The following BASP1 variants were observed in gnomAD, a reference collection of about 807,000 sequenced individuals.
BASP1 encodes the protein brain acid soluble protein 1.
A neutral mutation model predicts 2.2 loss-of-function variants in BASP1; 1 was observed. The ratio of observed to expected loss-of-function variants is 0.46; its 90% CI spans 0.16 to 2.17. The LOEUF (loss-of-function observed/expected upper bound fraction) is 2.17, where lower values mean the gene tolerates loss of function less well. Ranked by LOEUF, BASP1 falls within the 30% of genes most tolerant of loss-of-function variation. The probability of loss-of-function intolerance (pLI) is 0.27; values close to 1 mark genes in which losing one functional copy is unlikely to be tolerated. For missense variants in BASP1, 352 were observed against 327.2 expected (o/e 1.08, Z -0.58); for synonymous variants, 187 against 154.2 (o/e 1.21, Z -1.58).
At chr5:17,220,598 A>G (rs970454399) in intron 1 of BASP1, among the ~76,000 whole-genome samples, 1 of 152,194 alleles carries the variant, frequency 6.6e-6, no homozygotes, top group South Asian at 2.1e-4. Context: ...ACCAACAATG[A>G]CAGTGGCATT....
intron 1 of BASP1, among the ~76,000 whole-genome samples, chr5:17,238,724 A>C (rs1305126875): frequency 6.6e-6 from 1 of 152,138 alleles, no homozygotes; most frequent in Admixed American, 6.5e-5. Context: ...TAAATATCTG[A>C]TGTATGGCAT....
At chr5:17,261,621 C>A (rs187761293) in intron 1 of BASP1, among the ~76,000 whole-genome samples, 2 of 152,142 alleles carry the variant, frequency 1.3e-5, no homozygotes, top group Admixed American at 6.5e-5. Context: ...TCTCTCCCCC[C>A]CACCGTCTGC....
intron 1 of BASP1, among the ~76,000 whole-genome samples, chr5:17,246,176 C>A (rs1050453716): frequency 6.6e-6 from 1 of 151,992 alleles, no homozygotes; most frequent in African/African-American, 2.4e-5. Flanking sequence ...TGACAAGAAC[C>A]CAACACTGTA....
At chr5:17,222,016 A>G (rs1378684652) in intron 1 of BASP1, among the ~76,000 whole-genome samples, 1 of 152,030 alleles carries the variant, frequency 6.6e-6, no homozygotes, top group Non-Finnish European at 1.5e-5. Context: ...AATTACACTG[A>G]AAGTGTTTTC....
intron 1 of BASP1, among the ~76,000 whole-genome samples, chr5:17,263,260 G>T (rs1740353835): frequency 6.6e-6 from 1 of 151,970 alleles, no homozygotes; most frequent in African/African-American, 2.4e-5. Flanking sequence ...GTATCTTTAT[G>T]GGGTACAAAG....
Position 17,275,464 on chromosome 5 carries a change from C to T in BASP1, c.248C>T (p.Pro83Leu), listed in dbSNP as rs1296298199. 8.0e-6 allele frequency: 12 copies of T among 1,503,044 alleles called. No homozygotes were observed. Among genetic ancestry groups the T allele is most frequent in the South Asian group, 1.3e-5 (1 of 76,736 alleles). 93.1% of individuals were successfully genotyped at this position (1,503,044 alleles called of 1,614,324 possible). ...KDAAAAKEEA[P>L]KAEPEKTEGA... ...GCGGCGGCTGCCAAGGAGGAGGCCC[C>T]GAAGGCGGAGCCCGAGAAGACGGAG... is the stretch of plus-strand genomic sequence containing the variant. The change falls in exon 2 of 2, where the codon CCG becomes CTG. Residue 83 changes from proline (P) to leucine (L), a missense_variant. Coordinates refer to ENST00000322611, the MANE Select transcript of BASP1 (RefSeq NM_006317.5). The surrounding 1 kb of genome is among the most constrained non-coding windows in gnomAD (Gnocchi z 5.3).
intron 1 of BASP1, among the ~76,000 whole-genome samples, chr5:17,270,182 T>C (rs1329632329): frequency 6.6e-6 from 1 of 152,108 alleles, no homozygotes; most frequent in Non-Finnish European, 1.5e-5. Context: ...GTATTTTTAG[T>C]AGAGACGGGG....
chr5:17,227,753 T>C (rs932778935), intron 1 of BASP1, among the ~76,000 whole-genome samples: 1 of 152,184 alleles, frequency 6.6e-6, no homozygotes, highest in African/African-American at 2.4e-5. Flanking sequence ...CAATTGGTGA[T>C]GACAGTGCCT....
chr5:17,228,919 T>C (rs1443522184), intron 1 of BASP1, among the ~76,000 whole-genome samples: 2 of 152,166 alleles, frequency 1.3e-5, no homozygotes, highest in African/African-American at 4.8e-5. Context: ...AAAATGTTAC[T>C]GCTGTTTCTA....
At position 17,275,264 on chromosome 5, in the gene BASP1, C is replaced by A; in HGVS notation, c.48C>A (p.Asp16Glu). The change falls in exon 2 of 2, where the codon GAC becomes GAA. Residue 16 changes from aspartate (D) to glutamate (E), a missense_variant. By Grantham distance (45) the Asp-to-Glu change is conservative (BLOSUM62 2). Coordinates refer to ENST00000322611, the MANE Select transcript of BASP1 (RefSeq NM_006317.5). The surrounding 1 kb of genome is among the most constrained non-coding windows in gnomAD (Gnocchi z 5.3). ...SKKKKGYNVN[D>E]EKAKEKDKKA... ...AGAAGAAGGGCTACAATGTGAACGA[C>A]GAGAAAGCCAAGGAGAAAGACAAGA... 6.2e-7 allele frequency: 1 copy of A among 1,613,748 alleles called. No homozygotes were observed.
At chr5:17,252,795 C>G (rs1040093116) in intron 1 of BASP1, among the ~76,000 whole-genome samples, 24 of 152,228 alleles carry the variant, frequency 1.6e-4, no homozygotes, top group African/African-American at 5.8e-4. Context: ...GAATCACACT[C>G]TCATCTGATC....
rs571729363 is a variant in BASP1, at chr5:17,240,978, G to C, written c.-10+23168G>C. ...CAATGGCATTTAAAAATATTTAATA[G>C]TTTCTTTTAATTATAACATTACAAA... On this transcript the variant is annotated intron_variant, in intron 1 of 1. Coordinates refer to ENST00000322611, the MANE Select transcript of BASP1 (RefSeq NM_006317.5). Among the ~76,000 whole-genome samples the C allele has an allele frequency of 4.9e-4, 74 of 152,186 alleles. 1 individual carries two copies. Among genetic ancestry groups the C allele is most frequent in the African/African-American group, 1.5e-3 (64 of 41,536 alleles).
In BASP1 at chr5:17,236,515, T is replaced by C. The variant is rs1031999301; in HGVS notation, c.-10+18705T>C. On this transcript the variant is annotated intron_variant, in intron 1 of 1. Coordinates refer to ENST00000322611, the MANE Select transcript of BASP1 (RefSeq NM_006317.5). The surrounding 1 kb of genome is among the most constrained non-coding windows in gnomAD (Gnocchi z 4.0). The stretch of plus-strand genomic sequence containing the variant: ...CCTGACCTTAGGTGATCCGCCTGCC[T>C]CTGCCTCCCAAAGTGCTGGGATTAC... Among the ~76,000 whole-genome samples the C allele has an allele frequency of 2.6e-5, 4 of 152,212 alleles. No individual in the cohort carries two copies. Among genetic ancestry groups the C allele is most frequent in the African/African-American group, 9.6e-5 (4 of 41,456 alleles).
In BASP1 at chr5:17,276,633, GA is replaced by G. The variant is rs55917297; in HGVS notation, c.*752del. On this transcript the variant is annotated 3_prime_UTR_variant, in exon 2 of 2. Transcript: ENST00000322611. ...GTTCTGTTTATTGGTCAGTGGAAAT[GA>G]AAAAAAAAAAAAAAAAAAGTCTGCG... The G allele has an allele frequency of 0.14, 14,934 of 104,570 alleles. 873 individuals carry two copies. The highest frequency in any genetic ancestry group is 0.28 in the Middle Eastern group (41 of 144). 6.5% of individuals were successfully genotyped at this position (104,570 alleles called of 1,614,324 possible).
At chr5:17,227,171 C>T (rs957800265) in intron 1 of BASP1, among the ~76,000 whole-genome samples, 2 of 151,432 alleles carry the variant, frequency 1.3e-5, no homozygotes, top group African/African-American at 4.9e-5. Flanking sequence ...CTTCGTGATC[C>T]ACCTGTCTTG....
At chr5:17,253,682 C>A (rs1740145650) in intron 1 of BASP1, among the ~76,000 whole-genome samples, 1 of 152,112 alleles carries the variant, frequency 6.6e-6, no homozygotes, top group African/African-American at 2.4e-5. Flanking sequence ...TCTTTCAGAA[C>A]TATTGTCTTA....
intron 1 of BASP1, among the ~76,000 whole-genome samples, chr5:17,255,095 A>ATTTG (rs946509712): frequency 1.3e-5 from 2 of 152,122 alleles, no homozygotes; most frequent in African/African-American, 4.8e-5. Flanking sequence ...TTATTTATTT[A>ATTTG]TTTGGACCCA....
At chr5:17,258,849 A>G (rs1409984912) in intron 1 of BASP1, among the ~76,000 whole-genome samples, 1 of 152,228 alleles carries the variant, frequency 6.6e-6, no homozygotes, top group Non-Finnish European at 1.5e-5. Context: ...GAAGAAGGCA[A>G]AAGTGTGGAG....
chr5:17,254,440 G>A (rs1740161060), intron 1 of BASP1, among the ~76,000 whole-genome samples: 1 of 152,146 alleles, frequency 6.6e-6, no homozygotes. Flanking sequence ...TCCAAGTAAA[G>A]GAAGATGCTT....
Sources: allele counts gnomAD v4.1 joint callset (sites outside exome capture counted in the v4.1 genomes callset), GRCh38; gene constraint gnomAD v4.1.1; non-coding constraint Gnocchi (gnomAD v3.1); transcripts MANE v1.5; gene names NCBI Gene and HGNC (gene_info 2026-07-23, HGNC 2026-07-21).